The following ARHGEF18 variants were observed in gnomAD, a reference collection of about 807,000 sequenced individuals.
ARHGEF18 encodes the protein rho guanine nucleotide exchange factor 18.
ARHGEF18 carries 93 observed loss-of-function variants against 155.7 expected under a neutral mutation model. That is an observed-to-expected ratio of 0.60 (90% CI 0.50 to 0.71). ARHGEF18 has a LOEUF of 0.71. Among genes scored for constraint, ARHGEF18 ranks in the 30% least tolerant of loss-of-function variants. ARHGEF18 has a pLI of 0.00. For missense variants in ARHGEF18, 1,593 were observed against 1,816.1 expected (o/e 0.88, Z 2.23); for synonymous variants, 742 against 753.1 (o/e 0.99, Z 0.24).
chr19:7,384,241 G>T (rs1014846051), intron 10 of ARHGEF18, among the ~76,000 whole-genome samples: 2 of 152,108 alleles, frequency 1.3e-5, no homozygotes, highest in Non-Finnish European at 2.9e-5. Context: ...AGCATCCCTG[G>T]CCTTCACCCT....
chr19:7,440,073 G>A lies in ARHGEF18; in HGVS notation c.968-271G>A. On this transcript the variant is annotated intron_variant, in intron 10 of 28. Coordinates refer to ENST00000668164, the MANE Select transcript of ARHGEF18 (RefSeq NM_001367823.1). The surrounding 1 kb of genome is among the most constrained non-coding windows in gnomAD (Gnocchi z 5.4). The stretch of plus-strand genomic sequence containing the variant: ...AAACGGCGCAGCCCAGCCTGGCGCC[G>A]CGCCGGGTCCCGGAGCCCCGGGCGC... 5.2e-6 allele frequency: 8 copies of A among 1,550,492 alleles called. No individual in the cohort carries two copies. Among genetic ancestry groups the A allele is most frequent in the Non-Finnish European group, 6.1e-6 (7 of 1,146,602 alleles).
chr19:7,358,923 T>C (rs1166199195), intron 1 of ARHGEF18, among the ~76,000 whole-genome samples: 1 of 152,186 alleles, frequency 6.6e-6, no homozygotes, highest in African/African-American at 2.4e-5. Context: ...GGATCAGATA[T>C]AGTCACTGCC....
chr19:7,478,506 C>T, the ARHGEF18 span: 907 of 920,084 alleles, frequency 9.9e-4, 7 homozygotes, highest in African/African-American at 0.013. Flanking sequence ...CTCTCCCTGC[C>T]CCCACAGTCC....
intron 10 of ARHGEF18, among the ~76,000 whole-genome samples, chr19:7,439,465 T>G (rs1172767764): frequency 6.6e-6 from 1 of 151,898 alleles, no homozygotes; most frequent in East Asian, 1.9e-4. Context: ...TAATAATAAT[T>G]AATTTAAAAA....
chr19:7,420,904 C>T (rs555570090), intron 10 of ARHGEF18, among the ~76,000 whole-genome samples: 3 of 152,246 alleles, frequency 2.0e-5, no homozygotes, highest in East Asian at 1.9e-4. Context: ...GGATGGATGG[C>T]GGACAGCTCT....
In ARHGEF18 at chr19:7,379,192, A is replaced by G. The variant is rs529139207; in HGVS notation, c.644+26A>G. 9.8e-6 allele frequency: 12 copies of G among 1,230,712 alleles called. No homozygotes were observed. The South Asian group carries it at 4.1e-4, about 42-fold the overall frequency. 76.2% of individuals were successfully genotyped at this position (1,230,712 alleles called of 1,614,324 possible). A position where few individuals can be genotyped will look rare whatever the true frequency, so the allele number is the denominator to read the frequency against. ...GTAAGTGGGAATCGGGACAGGCTTG[A>G]GGGGAGCAAAGTGGGAGACAAAAGC... On this transcript the variant is annotated intron_variant, in intron 7 of 28. Coordinates refer to ENST00000668164, the MANE Select transcript of ARHGEF18 (RefSeq NM_001367823.1).
intron 10 of ARHGEF18, among the ~76,000 whole-genome samples, chr19:7,417,534 C>A (rs1304459546): frequency 6.6e-6 from 1 of 152,092 alleles, no homozygotes; most frequent in Non-Finnish European, 1.5e-5. Flanking sequence ...CCCATCTCTA[C>A]TAAAAATACA....
At chr19:7,400,645 T>C (rs1048255318) in intron 10 of ARHGEF18, among the ~76,000 whole-genome samples, 2 of 152,088 alleles carry the variant, frequency 1.3e-5, no homozygotes, top group Non-Finnish European at 2.9e-5. Context: ...CCAGCCTGGA[T>C]AGCATAGCAA....
At chr19:7,452,696 C>G (rs893872936) in intron 16 of ARHGEF18, among the ~76,000 whole-genome samples, 1 of 151,626 alleles carries the variant, frequency 6.6e-6, no homozygotes, top group South Asian at 2.1e-4. Flanking sequence ...GAACTCCCGA[C>G]CTCAGGTGAT....
Position 7,442,063 on chromosome 19 carries a change from C to A in ARHGEF18, c.1360+11C>A. On this transcript the variant is annotated intron_variant, in intron 13 of 28. Coordinates refer to ENST00000668164, the MANE Select transcript of ARHGEF18 (RefSeq NM_001367823.1). ...AAGATGTCCTTTATGGTGAGGAGTC[C>A]ACAGCCCTGTGCCATCACACCGGCC... 6.2e-7 allele frequency: 1 copy of A among 1,613,666 alleles called. No individual in the cohort carries two copies. Among genetic ancestry groups the A allele is most frequent in the Non-Finnish European group, 8.5e-7 (1 of 1,179,926 alleles).
chr19:7,352,034 G>C (rs191219006), intron 1 of ARHGEF18, among the ~76,000 whole-genome samples: 129 of 152,058 alleles, frequency 8.5e-4, no homozygotes, highest in Middle Eastern at 3.4e-3. Flanking sequence ...CTCCTGTAGG[G>C]CTGTTGCTAT....
rs2145930817 is a variant in ARHGEF18, at chr19:7,471,882, A to T, written c.*1584A>T. 6.6e-6 allele frequency: 1 copy of T among 152,364 alleles called. No homozygotes were observed. The highest frequency in any genetic ancestry group is 1.5e-5 in the Non-Finnish European group (1 of 68,054). 9.4% of individuals were successfully genotyped at this position (152,364 alleles called of 1,614,324 possible). A position where few individuals can be genotyped will look rare whatever the true frequency, so the allele number is the denominator to read the frequency against. ...TGTCCCCAGGCTCCTGGCCCCTCCGACGACCTCAACTCTGCCCAGCCCGGT... is the reference window on the plus strand; with the variant it reads ...TGTCCCCAGGCTCCTGGCCCCTCCGTCGACCTCAACTCTGCCCAGCCCGGT... On this transcript the variant is annotated 3_prime_UTR_variant, in exon 29 of 29. Transcript: ENST00000668164. The surrounding 1 kb of genome is among the most constrained non-coding windows in gnomAD (Gnocchi z 4.4).
intron 1 of ARHGEF18, among the ~76,000 whole-genome samples, chr19:7,358,252 C>T (rs149850251): frequency 2.1e-4 from 7 of 34,072 alleles, no homozygotes; most frequent in East Asian, 1.9e-3. Context: ...CACCCATCCA[C>T]CCATTCTTCC....
intron 23 of ARHGEF18, among the ~76,000 whole-genome samples, chr19:7,466,424 G>A (rs1301655693): frequency 1.3e-5 from 2 of 149,714 alleles, no homozygotes; most frequent in Non-Finnish European, 1.5e-5. Context: ...GATCCTGGTG[G>A]TGCACACCTG....
rs761338098 is a variant in ARHGEF18, at chr19:7,441,736, C to T, written c.1190C>T (p.Ser397Phe). ...GCTGATGACTCTCTGTCCCTTACAT[C>T]TCCAAACACCGAGTCCATTTTTGTA... ...QTADDSLSLTSPNTESIFVED... is the reference protein window; with the variant it reads ...QTADDSLSLTFPNTESIFVED... Residue 397 changes from serine (S) to phenylalanine (F), a missense_variant, in exon 12 of 29, where the codon TCT (serine) becomes TTT (phenylalanine). By Grantham distance (155) the Ser-to-Phe change is radical. Transcript: ENST00000668164. 7 of 1,614,228 alleles carry T rather than the reference C, an allele frequency of 4.3e-6. No individual in the cohort carries two copies. The highest frequency in any genetic ancestry group is 5.9e-6 in the Non-Finnish European group (7 of 1,180,048).
rs192353961 is a variant in ARHGEF18 at position 7,378,379 on chromosome 19, G to A, written c.542-15G>A. Reference sequence around the variant, plus strand: ...CCTGACAACTGTGCTTCCTGGGATGGGGGGCTTCTTCCAGGCCTGGAACCT... The same window carrying A: ...CCTGACAACTGTGCTTCCTGGGATGAGGGGCTTCTTCCAGGCCTGGAACCT... On this transcript the variant is annotated splice_polypyrimidine_tract_variant and intron_variant, in intron 5 of 28. Coordinates refer to ENST00000668164, the MANE Select transcript of ARHGEF18 (RefSeq NM_001367823.1). 4,030 of 1,234,304 alleles carry A rather than the reference G, an allele frequency of 3.3e-3. 6 individuals are homozygous for A. The highest frequency in any genetic ancestry group is 3.8e-3 in the Non-Finnish European group (3,780 of 988,182). 76.5% of individuals were successfully genotyped at this position (1,234,304 alleles called of 1,614,324 possible).
rs758350729 is a variant in ARHGEF18, at chr19:7,363,436, T to C, written c.15+531T>C. ...AAGGAAGGAAGGAAAGAAGGAAGTA[T>C]GGATGGATAGGTAGAAGGATGGGTG... is the stretch of plus-strand genomic sequence containing the variant. On this transcript the variant is annotated intron_variant, in intron 2 of 28. Coordinates refer to ENST00000668164, the MANE Select transcript of ARHGEF18 (RefSeq NM_001367823.1). 2.7e-5 allele frequency among the ~76,000 whole-genome samples: 4 copies of C among 149,828 alleles called. No individual in the cohort carries two copies. In the South Asian group the frequency reaches 6.4e-4, roughly 24 times the overall value.
rs1977027993 is a variant in ARHGEF18 at position 7,471,672 on chromosome 19, C to T, written c.*1374C>T. 1 of 152,276 alleles carries T rather than the reference C, an allele frequency of 6.6e-6. No individual in the cohort carries two copies. Among genetic ancestry groups the T allele is most frequent in the Non-Finnish European group, 1.5e-5 (1 of 68,088 alleles). The allele number at this position is 152,276 out of a possible 1,614,324, so 9.4% of individuals were successfully genotyped here. On this transcript the variant is annotated 3_prime_UTR_variant, in exon 29 of 29. Coordinates refer to ENST00000668164, the MANE Select transcript of ARHGEF18 (RefSeq NM_001367823.1). This position sits in a 1 kb window ranked among gnomAD's most constrained non-coding sequence, Gnocchi z 4.4. ...ATACAGTGAACAGGGACATTCCCGC[C>T]ACTCGGGGACAGATGGGCACAAGGG...
chr19:7,478,366 T>C, the ARHGEF18 span: 4 of 1,610,626 alleles, frequency 2.5e-6, no homozygotes, highest in South Asian at 3.3e-5. Context: ...TTCAGCAGCA[T>C]CCACAGGGAC....
Sources: gnomAD v4.1 joint callset for allele counts (sites outside exome capture counted in the v4.1 genomes callset) on GRCh38, gnomAD v4.1.1 for gene constraint, Gnocchi (gnomAD v3.1) non-coding constraint, MANE v1.5 for transcripts, NCBI Gene and HGNC (gene_info 2026-07-23, HGNC 2026-07-21) for gene names.